Variants in ADGRL1 observed in about 807,000 individuals in gnomAD.
ADGRL1 encodes CIRL-1.
In ADGRL1, 31 loss-of-function variants were observed where a neutral mutation model predicts 148.9. That is an observed-to-expected ratio of 0.21 (90% CI 0.16 to 0.28). ADGRL1 has a LOEUF of 0.28. Ranked by LOEUF, ADGRL1 falls within the 10% of genes least tolerant of loss-of-function variation. ADGRL1 has a pLI of 1.00. For synonymous variants in ADGRL1, 937 were observed against 900.3 expected (o/e 1.04, Z -0.73); for missense variants, 1,521 against 2,058.8 (o/e 0.74, Z 5.05).
At chr19:14,186,213 C>T (rs1041468816) in intron 1 of ADGRL1, among the ~76,000 whole-genome samples, 3 of 152,134 alleles carry the variant, frequency 2.0e-5, no homozygotes, top group African/African-American at 7.2e-5. Flanking sequence ...TATGCACCAT[C>T]ACATCCAGCT....
intron 1 of ADGRL1, among the ~76,000 whole-genome samples, chr19:14,192,765 G>A (rs1243600917): frequency 6.6e-6 from 1 of 152,058 alleles, no homozygotes; most frequent in African/African-American, 2.4e-5. Context: ...TGGTCAGGCT[G>A]CTCTCGAACT....
At chr19:14,163,556 C>T (rs1969659612) in intron 4 of ADGRL1, 150 bp from the exon 5 acceptor site, 1 of 651,586 alleles carries the variant, frequency 1.5e-6, no homozygotes, top group East Asian at 2.8e-5. Flanking sequence ...TCCCCTCCTG[C>T]TGCTGCAGTC....
At chr19:14,177,090 C>T (rs1314653470) in intron 3 of ADGRL1, among the ~76,000 whole-genome samples, 3 of 151,968 alleles carry the variant, frequency 2.0e-5, no homozygotes, top group Admixed American at 6.6e-5. Flanking sequence ...ATTAGTCAGG[C>T]GTGGTGGCGT....
rs1244399842 is a variant in ADGRL1, at chr19:14,184,644, TTA to T, written c.-95-949_-95-948del. Among the ~76,000 whole-genome samples, 551 of 129,144 alleles carry T rather than the reference TTA, an allele frequency of 4.3e-3. 10 individuals are homozygous for T. The highest frequency in any genetic ancestry group is 0.014 in the Middle Eastern group (4 of 282). The allele number at this position is 129,144 out of a possible 152,430, so 84.7% of individuals were successfully genotyped here. A position where few individuals can be genotyped will look rare whatever the true frequency, so the allele number is the denominator to read the frequency against. ...TTTATTTATTTATTTATTTATTTAT[TTA>T]TTTTTTTTTCTGAGACGGAGTCGTG... On this transcript the variant is annotated intron_variant, in intron 1 of 22. Transcript: ENST00000361434.
At chr19:14,167,554 C>G (rs1970095676) in intron 4 of ADGRL1, among the ~76,000 whole-genome samples, 1 of 152,096 alleles carries the variant, frequency 6.6e-6, no homozygotes, top group Non-Finnish European at 1.5e-5. Context: ...TCTCCCAGGG[C>G]CTGGGCCCAC....
At chr19:14,163,973 C>G (rs1410132947) in intron 4 of ADGRL1, among the ~76,000 whole-genome samples, 2 of 151,966 alleles carry the variant, frequency 1.3e-5, no homozygotes, top group Admixed American at 1.3e-4. Context: ...CTCTTTCTTC[C>G]TCCTGCAAAA....
rs1177954242 is a variant in ADGRL1, at chr19:14,157,817, G to C, written c.2535+65C>G. The C allele has an allele frequency of 6.4e-7, 1 of 1,574,356 alleles. No homozygotes were observed. Among genetic ancestry groups the C allele is most frequent in the Non-Finnish European group, 8.6e-7 (1 of 1,157,488 alleles). ...CTGGTACTGCCCGTGATCTCTCTAG[G>C]ATGCCATGCAAAGCCAGGCCAGCAA... On this transcript the variant is annotated intron_variant, in intron 13 of 22. Coordinates refer to ENST00000361434, the MANE Select transcript of ADGRL1 (RefSeq NM_014921.5). The surrounding 1 kb of genome is among the most constrained non-coding windows in gnomAD (Gnocchi z 7.5).
At chr19:14,200,747 G>A (rs190892417) in intron 1 of ADGRL1, among the ~76,000 whole-genome samples, 79 of 152,334 alleles carry the variant, frequency 5.2e-4, no homozygotes, top group Non-Finnish European at 1.2e-4. Flanking sequence ...GGGTAGCTGG[G>A]ACGACAGGCG....
rs1172250156 is a variant in ADGRL1, at chr19:14,161,062, G to A, written c.1510+250C>T. On this transcript the variant is annotated intron_variant, in intron 6 of 22. Transcript: ENST00000361434. This position sits in a 1 kb window ranked among gnomAD's most constrained non-coding sequence, Gnocchi z 4.4. ...CATCCATGTGAAGCTGACTGTGCCT[G>A]GGGCTGTGGCAGGTCAGCCTGAGGC... 6.6e-6 allele frequency among the ~76,000 whole-genome samples: 1 copy of A among 152,192 alleles called. No individual in the cohort carries two copies. The highest frequency in any genetic ancestry group is 2.4e-5 in the African/African-American group (1 of 41,450).
Position 14,151,040 on chromosome 19 carries a change from G to C in ADGRL1, c.4243C>G (p.Pro1415Ala), listed in dbSNP as rs1968115026. 19 of 1,506,610 alleles carry C rather than the reference G, an allele frequency of 1.3e-5. No individual in the cohort carries two copies. Among genetic ancestry groups the C allele is most frequent in the Non-Finnish European group, 1.4e-5 (16 of 1,125,108 alleles). 93.3% of individuals were successfully genotyped at this position (1,506,610 alleles called of 1,614,324 possible). The change falls in exon 23 of 23, where the codon CCC becomes GCC. Residue 1415 changes from proline (P) to alanine (A), a missense_variant. Coordinates refer to ENST00000361434, the MANE Select transcript of ADGRL1 (RefSeq NM_014921.5). Reference protein sequence around the residue: ...PPPPPAPPGPPEIYYTSRPPA... With the variant: ...PPPPPAPPGPAEIYYTSRPPA... ...GGGCGCGAGGTGTAGTAGATTTCGG[G>C]GGGGCCGGGGGGTGCGGGAGGGGGT...
chr19:14,187,965 C>T (rs868161143), intron 1 of ADGRL1, among the ~76,000 whole-genome samples: 2 of 152,020 alleles, frequency 1.3e-5, no homozygotes, highest in African/African-American at 2.4e-5. Context: ...TACGGTGACT[C>T]GTGCCTGTGA....
Position 14,155,998 on chromosome 19 carries a change from T to C in ADGRL1, c.3125+112A>G, listed in dbSNP as rs1968693929. 3.9e-6 allele frequency: 3 copies of C among 761,448 alleles called. No homozygotes were observed. Among genetic ancestry groups the C allele is most frequent in the Middle Eastern group, 7.3e-4 (2 of 2,732 alleles). The allele number at this position is 761,448 out of a possible 1,614,324, so 47.2% of individuals were successfully genotyped here. ...CCCCTGTTGGTACTTAAAATTGCAA[T>C]GTGTGTCACCAGAGGTGACAGCACT... On this transcript the variant is annotated intron_variant, in intron 17 of 22. Transcript: ENST00000361434. The surrounding 1 kb of genome is among the most constrained non-coding windows in gnomAD (Gnocchi z 5.0).
At chr19:14,180,747 A>G (rs1263777552) in intron 2 of ADGRL1, among the ~76,000 whole-genome samples, 1 of 150,864 alleles carries the variant, frequency 6.6e-6, no homozygotes, top group African/African-American at 2.4e-5. Flanking sequence ...TGATGGGGGT[A>G]CTTGCTATGT....
chr19:14,184,111 T>C lies in ADGRL1; in HGVS notation c.-95-414A>G, dbSNP rs559663573. On this transcript the variant is annotated intron_variant, in intron 1 of 22. Coordinates refer to ENST00000361434, the MANE Select transcript of ADGRL1 (RefSeq NM_014921.5). Reference sequence around the variant, plus strand: ...AGTGAGGGACTCATTGCAACCCAACTTGCAGCCTCCCCGTCTTGGGCAGAA... The same window carrying C: ...AGTGAGGGACTCATTGCAACCCAACCTGCAGCCTCCCCGTCTTGGGCAGAA... 3.1e-4 allele frequency among the ~76,000 whole-genome samples: 47 copies of C among 152,164 alleles called. 1 individual carries two copies. The South Asian group carries it at 9.8e-3, about 32-fold the overall frequency.
intron 3 of ADGRL1, among the ~76,000 whole-genome samples, chr19:14,174,093 C>T (rs1970660501): frequency 6.6e-6 from 1 of 152,100 alleles, no homozygotes; most frequent in South Asian, 2.1e-4. Context: ...CCCTCAGCCC[C>T]GGTAACTATT....
chr19:14,160,523 C>T lies in ADGRL1; in HGVS notation c.1614+70G>A, dbSNP rs1000162009. ...AGCCCATGTCTCCCCAGCTGCTCCA[C>T]GACCCCCGCTGGGCCCTGGGCCCTG... On this transcript the variant is annotated intron_variant, in intron 7 of 22. Transcript: ENST00000361434. The surrounding 1 kb of genome is among the most constrained non-coding windows in gnomAD (Gnocchi z 5.9). 4.6e-5 allele frequency: 55 copies of T among 1,193,758 alleles called. No individual in the cohort carries two copies. The highest frequency in any genetic ancestry group is 4.3e-4 in the South Asian group (28 of 65,184). 73.9% of individuals were successfully genotyped at this position (1,193,758 alleles called of 1,614,324 possible). A position where few individuals can be genotyped will look rare whatever the true frequency, so the allele number is the denominator to read the frequency against.
At position 14,151,114 on chromosome 19, in the gene ADGRL1, G is replaced by A. The variant is rs1380439655; in HGVS notation, c.4169C>T (p.Pro1390Leu). The change falls in exon 23 of 23, where the codon CCC becomes CTC. Residue 1390 changes from proline (P) to leucine (L), a missense_variant. By Grantham distance (98) the Pro-to-Leu change is moderately conservative (BLOSUM62 -3). Transcript: ENST00000361434. ...CTCAGGGCTGCTGTCCGGGTAGGAG[G>A]GTGAGTCCCGCAGGTTGGCCCCGCT... is the stretch of plus-strand genomic sequence containing the variant. ...YASGANLRDS[P>L]SYPDSSPEGP... The A allele has an allele frequency of 6.4e-7, 1 of 1,565,048 alleles. No homozygotes were observed. The highest frequency in any genetic ancestry group is 2.3e-5 in the East Asian group (1 of 42,988).
At chr19:14,196,580 A>G (rs1972278617) in intron 1 of ADGRL1, among the ~76,000 whole-genome samples, 1 of 152,156 alleles carries the variant, frequency 6.6e-6, no homozygotes, top group Non-Finnish European at 1.5e-5. Flanking sequence ...AGATTATGCC[A>G]CTGCACTCTA....
intron 1 of ADGRL1, among the ~76,000 whole-genome samples, chr19:14,187,329 A>G (rs545008167): frequency 4.8e-4 from 73 of 152,292 alleles, no homozygotes; most frequent in African/African-American, 1.7e-3. Context: ...ACAGAGCCAG[A>G]CTGTCTCAAA....
Sources: allele counts gnomAD v4.1 joint callset (sites outside exome capture counted in the v4.1 genomes callset), GRCh38; gene constraint gnomAD v4.1.1; non-coding constraint Gnocchi (gnomAD v3.1); transcripts MANE v1.5; gene names NCBI Gene and HGNC (gene_info 2026-07-23, HGNC 2026-07-21).